The following CPEB3 variants were observed in gnomAD, a reference collection of about 807,000 sequenced individuals.
CPEB3 encodes the protein cytoplasmic polyadenylation element-binding protein 3.
In CPEB3, 20 loss-of-function variants were observed where a neutral mutation model predicts 67.2. That is an observed-to-expected ratio of 0.30 (90% CI 0.21 to 0.43). CPEB3 has a LOEUF of 0.43. Among genes scored for constraint, CPEB3 ranks in the 20% least tolerant of loss-of-function variants. The probability of loss-of-function intolerance (pLI) is 1.00; values close to 1 mark genes in which losing one functional copy is unlikely to be tolerated. For missense variants in CPEB3, 746 were observed against 968.6 expected (o/e 0.77, Z 3.05); for synonymous variants, 376 against 393.1 (o/e 0.96, Z 0.51).
intron 4 of CPEB3, among the ~76,000 whole-genome samples, chr10:92,150,262 T>A (rs1428290397): frequency 6.6e-6 from 1 of 152,026 alleles, no homozygotes; most frequent in Non-Finnish European, 1.5e-5. Context: ...CTCTCTTTTT[T>A]TTTTTTTAAT....
At position 92,239,790 on chromosome 10, in the gene CPEB3, C is replaced by G; in HGVS notation, c.561G>C (p.Pro187=). The change falls in exon 2 of 10, where the codon CCG becomes CCC. Residue 187 remains proline (P), a synonymous_variant. Transcript: ENST00000265997. The surrounding 1 kb of genome is among the most constrained non-coding windows in gnomAD (Gnocchi z 6.0). ...QPAQPPQAQP[P]QQRRSPASPS... is the part of the protein sequence containing the mutation. ...GGCTGGCGGGTGAGCGGCGCTGCTGCGGGGGCTGCGCCTGTGGTGGCTGCG... is the reference window on the plus strand; with the variant it reads ...GGCTGGCGGGTGAGCGGCGCTGCTGGGGGGGCTGCGCCTGTGGTGGCTGCG... 2.8e-6 allele frequency: 4 copies of G among 1,411,686 alleles called. No homozygotes were observed. The highest frequency in any genetic ancestry group is 3.7e-6 in the Non-Finnish European group (4 of 1,089,968). 87.4% of individuals were successfully genotyped at this position (1,411,686 alleles called of 1,614,324 possible).
intron 1 of CPEB3, among the ~76,000 whole-genome samples, chr10:92,268,951 G>A (rs576938294): frequency 6.6e-6 from 1 of 152,260 alleles, no homozygotes; most frequent in African/African-American, 2.4e-5. Context: ...GGGAAGTCAG[G>A]ATTAGTCAGA....
At chr10:92,247,667 G>A (rs1852128351) in intron 1 of CPEB3, among the ~76,000 whole-genome samples, 1 of 152,052 alleles carries the variant, frequency 6.6e-6, no homozygotes, top group Non-Finnish European at 1.5e-5. Flanking sequence ...AAAGTTCTGG[G>A]ATTACAGGCT....
chr10:92,074,767 A>G (rs1185873730), intron 9 of CPEB3, among the ~76,000 whole-genome samples: 2 of 152,180 alleles, frequency 1.3e-5, no homozygotes, highest in African/African-American at 2.4e-5. Context: ...GGTTTAAAGG[A>G]GTGAAAAGAC....
chr10:92,179,220 C>T (rs963625872), intron 4 of CPEB3, among the ~76,000 whole-genome samples: 1 of 152,106 alleles, frequency 6.6e-6, no homozygotes, highest in Non-Finnish European at 1.5e-5. Flanking sequence ...GATTACACAA[C>T]ATGAACAAAA....
At position 92,278,352 on chromosome 10, in the gene CPEB3, T is replaced by A. The variant is rs1193928127; in HGVS notation, c.-12+12574A>T. 6.6e-5 allele frequency among the ~76,000 whole-genome samples: 10 copies of A among 152,162 alleles called. No individual in the cohort carries two copies. The East Asian group carries it at 7.7e-4, about 12-fold the overall frequency. ...GTACTGCCATCTTAAAAATGTTAAA[T>A]CTTCTAATGAACATGAGATTCTTTC... On this transcript the variant is annotated intron_variant, in intron 1 of 9. Coordinates refer to ENST00000265997, the MANE Select transcript of CPEB3 (RefSeq NM_014912.5).
intron 1 of CPEB3, among the ~76,000 whole-genome samples, chr10:92,274,808 G>C (rs554879373): frequency 5.9e-5 from 9 of 152,252 alleles, no homozygotes; most frequent in Admixed American, 5.2e-4. Flanking sequence ...CTGGGCAACA[G>C]AGGGAGACTC....
At chr10:92,275,458 G>A (rs1428752536) in intron 1 of CPEB3, among the ~76,000 whole-genome samples, 1 of 152,074 alleles carries the variant, frequency 6.6e-6, no homozygotes, top group Non-Finnish European at 1.5e-5. Flanking sequence ...TGTTATATGG[G>A]TATGTCATAA....
At chr10:92,235,770 G>C (rs1010078829) in intron 2 of CPEB3, among the ~76,000 whole-genome samples, 2 of 152,202 alleles carry the variant, frequency 1.3e-5, no homozygotes, top group African/African-American at 4.8e-5. Context: ...TTATCAACCT[G>C]AACCTGGGTA....
intron 6 of CPEB3, among the ~76,000 whole-genome samples, chr10:92,130,137 C>T (rs923237835): frequency 6.6e-6 from 1 of 151,474 alleles, no homozygotes; most frequent in Non-Finnish European, 1.5e-5. Flanking sequence ...CATGATAGTC[C>T]TCTGCTTGGA....
intron 7 of CPEB3, among the ~76,000 whole-genome samples, chr10:92,102,513 C>T (rs1037641262): frequency 6.6e-6 from 1 of 152,190 alleles, no homozygotes; most frequent in African/African-American, 2.4e-5. Flanking sequence ...GGCTGCAGAG[C>T]CTATTATCTG....
intron 8 of CPEB3, among the ~76,000 whole-genome samples, chr10:92,083,622 C>T (rs1402339438): frequency 6.6e-6 from 1 of 152,118 alleles, no homozygotes; most frequent in Non-Finnish European, 1.5e-5. Context: ...AATAAGTAAC[C>T]TCAGGACCCT....
chr10:92,166,913 C>T (rs1405205422), intron 4 of CPEB3, among the ~76,000 whole-genome samples: 5 of 152,220 alleles, frequency 3.3e-5, no homozygotes, highest in Non-Finnish European at 2.9e-5. Flanking sequence ...TTAGGGTAGT[C>T]ACCTTCACCA....
chr10:92,136,517 A>G (rs1257931706), intron 6 of CPEB3, among the ~76,000 whole-genome samples: 1 of 152,138 alleles, frequency 6.6e-6, no homozygotes, highest in Non-Finnish European at 1.5e-5. Flanking sequence ...TGATTTAAAA[A>G]CGGGCAAAAG....
At chr10:92,235,362 C>T (rs1429704533) in intron 2 of CPEB3, among the ~76,000 whole-genome samples, 1 of 151,982 alleles carries the variant, frequency 6.6e-6, no homozygotes, top group Non-Finnish European at 1.5e-5. Flanking sequence ...AGGAGAATCA[C>T]TTGAACCCGG....
intron 7 of CPEB3, among the ~76,000 whole-genome samples, chr10:92,096,285 T>C (rs1195846203): frequency 6.6e-6 from 1 of 152,184 alleles, no homozygotes; most frequent in Admixed American, 6.6e-5. Flanking sequence ...ATAAGTAATC[T>C]AGAGACAATT....
In CPEB3 at chr10:92,049,591, A is replaced by G. The variant is rs1296750475; in HGVS notation, c.*2621T>C. ...AGTCGCGCACAATCAACACTTGATT[A>G]GAAATATACAAATTAAGGGAAAGTA... On this transcript the variant is annotated 3_prime_UTR_variant, in exon 10 of 10. Transcript: ENST00000265997. The G allele has an allele frequency of 6.5e-6, 1 of 152,698 alleles. No homozygotes were observed. Among genetic ancestry groups the G allele is most frequent in the African/African-American group, 2.4e-5 (1 of 41,468 alleles). The allele number at this position is 152,698 out of a possible 1,614,324, so 9.5% of individuals were successfully genotyped here.
chr10:92,192,287 A>G (rs955154584), intron 3 of CPEB3, among the ~76,000 whole-genome samples, 190 bp downstream of exon 3: 1 of 152,170 alleles, frequency 6.6e-6, no homozygotes, highest in Non-Finnish European at 1.5e-5. Flanking sequence ...ACTGATAACA[A>G]TCCACCTTGA....
intron 4 of CPEB3, among the ~76,000 whole-genome samples, chr10:92,168,791 CTTTTT>C (rs748498383): frequency 8.4e-6 from 1 of 118,388 alleles, no homozygotes; most frequent in Non-Finnish European, 1.7e-5. Flanking sequence ...ACCTCTTGCC[CTTTTT>C]TTTTTTTTTT....
Sources: allele counts gnomAD v4.1 joint callset (sites outside exome capture counted in the v4.1 genomes callset), GRCh38; gene constraint gnomAD v4.1.1; non-coding constraint Gnocchi (gnomAD v3.1); transcripts MANE v1.5; gene names NCBI Gene and HGNC (gene_info 2026-07-23, HGNC 2026-07-21).